Variants in EYA1 observed in about 807,000 individuals in gnomAD.
EYA1 encodes the protein EYA transcriptional coactivator and phosphatase 1, also known as protein phosphatase EYA1.
Under a neutral mutation model 82.0 loss-of-function variants are expected in EYA1, and 16 were observed. The observed-to-expected ratio is 0.20, with a 90% CI of 0.13 to 0.30. The LOEUF (loss-of-function observed/expected upper bound fraction) is 0.30. Ranked by LOEUF, EYA1 falls within the 10% of genes least tolerant of loss-of-function variation. The pLI, the probability that EYA1 is intolerant of heterozygous loss-of-function variation, is 1.00. For missense variants in EYA1, 633 were observed against 730.7 expected (o/e 0.87, Z 1.54); for synonymous variants, 261 against 264.4 (o/e 0.99, Z 0.12).
intron 17 of EYA1, chr8:71,200,014 C>A: frequency 6.3e-6 from 1 of 158,396 alleles, no homozygotes; most frequent in Non-Finnish European, 1.4e-5. Context: ...AAACCTCAAT[C>A]TAAAAATCTA....
intron 11 of EYA1, among the ~76,000 whole-genome samples, chr8:71,264,734 A>C (rs553193465): frequency 6.6e-6 from 1 of 151,898 alleles, no homozygotes; most frequent in South Asian, 2.1e-4. Context: ...ATGTGCCACC[A>C]CACCCAGCTA....
intron 4 of EYA1, 64 bp downstream of exon 4, chr8:71,334,033 A>T (rs552650506): frequency 2.8e-6 from 3 of 1,087,820 alleles, no homozygotes; most frequent in East Asian, 2.4e-5. Context: ...ACACAGGGAC[A>T]TTACATGAAT....
chr8:71,330,239 C>G (rs529185811), intron 4 of EYA1, among the ~76,000 whole-genome samples: 2 of 152,300 alleles, frequency 1.3e-5, no homozygotes, highest in South Asian at 4.1e-4. Context: ...ATACTGCCAC[C>G]TCATCCACTT....
intron 7 of EYA1, among the ~76,000 whole-genome samples, chr8:71,305,947 G>A (rs1900075): frequency 0.77 from 117,370 of 152,080 alleles, 45,540 homozygotes; most frequent in East Asian, 0.89. Context: ...CTTTATAGGT[G>A]CAACTCTAGA....
chr8:71,444,389 C>G (rs1806683252), intron 2 of EYA1, among the ~76,000 whole-genome samples: 1 of 152,140 alleles, frequency 6.6e-6, no homozygotes, highest in African/African-American at 2.4e-5. Flanking sequence ...GAAAGCGGAA[C>G]CACAAATGAA....
At chr8:71,516,172 C>T (rs113375796) in intron 2 of EYA1, among the ~76,000 whole-genome samples, 1 of 152,102 alleles carries the variant, frequency 6.6e-6, no homozygotes, top group South Asian at 2.1e-4. Context: ...TTCTCATGTA[C>T]TCTGTTTATT....
At chr8:71,407,980 G>A (rs1253613799) in intron 2 of EYA1, among the ~76,000 whole-genome samples, 7 of 150,892 alleles carry the variant, frequency 4.6e-5, no homozygotes, top group Admixed American at 6.6e-5. Context: ...GAGAAAGGTC[G>A]GGTTACCCTC....
chr8:71,444,251 A>G (rs1055284914), intron 2 of EYA1, among the ~76,000 whole-genome samples: 1 of 152,244 alleles, frequency 6.6e-6, no homozygotes, highest in South Asian at 2.1e-4. Flanking sequence ...AAAGTGGTTC[A>G]TGACCAGGAT....
At chr8:71,244,981 A>G (rs1232848914) in intron 11 of EYA1, among the ~76,000 whole-genome samples, 1 of 152,232 alleles carries the variant, frequency 6.6e-6, no homozygotes, top group African/African-American at 2.4e-5. Flanking sequence ...GACATATAAA[A>G]TAAAGGAAAT....
chr8:71,534,368 G>A (rs1814526183), intron 2 of EYA1, among the ~76,000 whole-genome samples: 1 of 152,324 alleles, frequency 6.6e-6, no homozygotes, highest in South Asian at 2.1e-4. Flanking sequence ...TACATGATAC[G>A]AAGTGATCTC....
chr8:71,455,043 C>A (rs891823345), intron 2 of EYA1, among the ~76,000 whole-genome samples: 2 of 152,036 alleles, frequency 1.3e-5, no homozygotes, highest in Non-Finnish European at 2.9e-5. Flanking sequence ...AGAGAAGCAT[C>A]AAAAAGACAC....
chr8:71,213,461 A>G (rs1265967244), intron 16 of EYA1, among the ~76,000 whole-genome samples: 2 of 152,254 alleles, frequency 1.3e-5, no homozygotes, highest in Non-Finnish European at 2.9e-5. Context: ...ATAGATGAAA[A>G]TAGAATTAAC....
At chr8:71,320,813 G>T (rs1822454984) in intron 6 of EYA1, among the ~76,000 whole-genome samples, 2 of 151,936 alleles carry the variant, frequency 1.3e-5, no homozygotes, top group Admixed American at 6.6e-5. Flanking sequence ...CCACAGAAAA[G>T]AATACTACAA....
chr8:71,391,852 G>A (rs1024206551), intron 2 of EYA1, among the ~76,000 whole-genome samples: 2 of 151,776 alleles, frequency 1.3e-5, no homozygotes, highest in African/African-American at 4.8e-5. Flanking sequence ...GCTCAGTGGT[G>A]AGCCCAGGGT....
At chr8:71,307,928 T>A (rs1820905927) in intron 7 of EYA1, among the ~76,000 whole-genome samples, 1 of 152,216 alleles carries the variant, frequency 6.6e-6, no homozygotes, top group Non-Finnish European at 1.5e-5. Context: ...AAGTCTTGCT[T>A]GTGTAAGAAA....
intron 11 of EYA1, among the ~76,000 whole-genome samples, chr8:71,264,853 G>T (rs2128938215): frequency 6.6e-6 from 1 of 152,210 alleles, no homozygotes; most frequent in South Asian, 2.1e-4. Flanking sequence ...AAAGTGCTGG[G>T]ATTACACGCA....
intron 2 of EYA1, among the ~76,000 whole-genome samples, chr8:71,406,421 G>T (rs1048225810): frequency 2.6e-5 from 4 of 152,208 alleles, no homozygotes; most frequent in Non-Finnish European, 5.9e-5. Flanking sequence ...CAGCGTGAGC[G>T]ACGCAGAAGA....
chr8:71,377,958 C>T (rs1828470012), intron 2 of EYA1, among the ~76,000 whole-genome samples: 1 of 151,972 alleles, frequency 6.6e-6, no homozygotes, highest in Non-Finnish European at 1.5e-5. Flanking sequence ...TTTTTTTATT[C>T]TTCCATCTTG....
intron 2 of EYA1, among the ~76,000 whole-genome samples, chr8:71,388,798 G>A (rs959471069): frequency 1.3e-5 from 2 of 152,034 alleles, no homozygotes; most frequent in African/African-American, 4.8e-5. Flanking sequence ...GCATAATAGT[G>A]ATAGTCAGAA....
Sources: gnomAD v4.1 joint callset for allele counts (sites outside exome capture counted in the v4.1 genomes callset) on GRCh38, gnomAD v4.1.1 for gene constraint, MANE v1.5 for transcripts, NCBI Gene and HGNC (gene_info 2026-07-23, HGNC 2026-07-21) for gene names.